KIFAP3: variants seen among roughly 807,000 people sequenced by gnomAD.
KIFAP3 encodes kinesin associated protein 3.
KIFAP3 carries 68 observed loss-of-function variants against 106.5 expected under a neutral mutation model. That is an observed-to-expected ratio of 0.64 (90% CI 0.53 to 0.78). The LOEUF is 0.78. Ranked by LOEUF, KIFAP3 falls within the 30% of genes least tolerant of loss-of-function variation. KIFAP3 has a pLI of 0.00. For synonymous variants in KIFAP3, 320 were observed against 311.5 expected, an observed-to-expected ratio of 1.03 and a Z score of -0.29; for missense variants, 780 against 941.8, an observed-to-expected ratio of 0.83 and a Z score of 2.25.
At chr1:170,084,265 G>A (rs907661012) in intron 1 of KIFAP3, among the ~76,000 whole-genome samples, 4 of 152,128 alleles carry the variant, frequency 2.6e-5, no homozygotes, top group Admixed American at 2.0e-4. Context: ...TGCCTTCTCT[G>A]TTCTACTGCA....
At chr1:170,083,854 G>A (rs891954003) in intron 1 of KIFAP3, among the ~76,000 whole-genome samples, 4 of 152,278 alleles carry the variant, frequency 2.6e-5, no homozygotes, top group Non-Finnish European at 5.9e-5. Context: ...GCAAGGATAC[G>A]AAGAGTTGAT....
intron 1 of KIFAP3, among the ~76,000 whole-genome samples, chr1:170,056,941 G>A (rs1435857269): frequency 6.6e-6 from 1 of 151,844 alleles, no homozygotes; most frequent in African/African-American, 2.4e-5. Context: ...TTAAAAGAAT[G>A]GTACAGATTC....
intron 3 of KIFAP3, among the ~76,000 whole-genome samples, chr1:170,044,287 C>A (rs1478506983): frequency 6.6e-6 from 1 of 152,172 alleles, no homozygotes; most frequent in Admixed American, 6.5e-5. Context: ...GCACACAAAT[C>A]TGCCCTTCAA....
intron 10 of KIFAP3, among the ~76,000 whole-genome samples, chr1:170,014,749 G>C (rs1176195324): frequency 6.6e-6 from 1 of 152,098 alleles, no homozygotes; most frequent in African/African-American, 2.4e-5. Flanking sequence ...AAACGTATTT[G>C]TACTCAGAGT....
At chr1:170,032,515 A>G (rs1332190705) in intron 7 of KIFAP3, among the ~76,000 whole-genome samples, 1 of 151,694 alleles carries the variant, frequency 6.6e-6, no homozygotes, top group Non-Finnish European at 1.5e-5. Context: ...AAGGTAAACA[A>G]ATTTTAAAAA....
intron 3 of KIFAP3, among the ~76,000 whole-genome samples, chr1:170,041,298 CT>C (rs1369552325): frequency 1.3e-5 from 2 of 151,328 alleles, no homozygotes; most frequent in Non-Finnish European, 3.0e-5. Context: ...ACAAAATTTT[CT>C]TTTTTTTTCC....
intron 19 of KIFAP3, among the ~76,000 whole-genome samples, chr1:169,950,960 T>C (rs1234527302): frequency 6.6e-6 from 1 of 151,718 alleles, no homozygotes; most frequent in African/African-American, 2.4e-5. Flanking sequence ...TTCAGATCCA[T>C]GGATACTGTT....
intron 17 of KIFAP3, among the ~76,000 whole-genome samples, chr1:169,962,586 G>A (rs1022584598): frequency 1.3e-5 from 2 of 152,052 alleles, no homozygotes; most frequent in African/African-American, 4.8e-5. Context: ...CTATTAAGGT[G>A]ATCACAAAAA....
chr1:169,982,566 C>T (rs1293160444), intron 14 of KIFAP3, 136 bp downstream of exon 14: 5 of 519,758 alleles, frequency 9.6e-6, no homozygotes, highest in Non-Finnish European at 1.7e-5. Context: ...GACTACCTTT[C>T]TGGGAGAAGA....
intron 1 of KIFAP3, among the ~76,000 whole-genome samples, chr1:170,058,742 G>A (rs1329711868): frequency 6.6e-6 from 1 of 151,896 alleles, no homozygotes; most frequent in African/African-American, 2.4e-5. Flanking sequence ...CGGGTGTAGG[G>A]GAGGAACAGC....
At chr1:170,043,896 G>A (rs570639097) in intron 3 of KIFAP3, among the ~76,000 whole-genome samples, 41 of 152,252 alleles carry the variant, frequency 2.7e-4, no homozygotes, top group African/African-American at 9.1e-4. Flanking sequence ...TCAGTTTTCT[G>A]TACTTACCCC....
chr1:170,047,611 G>A (rs1257016859), intron 2 of KIFAP3, among the ~76,000 whole-genome samples: 1 of 123,914 alleles, frequency 8.1e-6, no homozygotes. Flanking sequence ...ACAGGGCGAG[G>A]CTCTGTCTCA....
intron 10 of KIFAP3, among the ~76,000 whole-genome samples, chr1:170,006,035 A>T (rs1478444124): frequency 6.6e-6 from 1 of 152,108 alleles, no homozygotes; most frequent in Non-Finnish European, 1.5e-5. Flanking sequence ...CTTTCTAGTT[A>T]TCAAGAAAAT....
chr1:169,932,002 G>A (rs887604470), intron 19 of KIFAP3, among the ~76,000 whole-genome samples: 2 of 151,914 alleles, frequency 1.3e-5, no homozygotes, highest in African/African-American at 4.8e-5. Flanking sequence ...TTATACTTTT[G>A]GTCTCTACAT....
At chr1:170,028,881 G>A (rs1321220105) in intron 8 of KIFAP3, among the ~76,000 whole-genome samples, 1 of 151,758 alleles carries the variant, frequency 6.6e-6, no homozygotes, top group East Asian at 1.9e-4. Flanking sequence ...GCTAACAATG[G>A]AAATAAAATA....
At chr1:169,968,565 G>A (rs536987663) in intron 17 of KIFAP3, among the ~76,000 whole-genome samples, 15 of 151,698 alleles carry the variant, frequency 9.9e-5, no homozygotes, top group African/African-American at 2.7e-4. Flanking sequence ...TTAAAGTTAC[G>A]GTGGTAGCTG....
chr1:169,928,561 G>A (rs1247161278), intron 19 of KIFAP3, among the ~76,000 whole-genome samples: 1 of 151,430 alleles, frequency 6.6e-6, no homozygotes, highest in African/African-American at 2.4e-5. Flanking sequence ...TGCAGGCATG[G>A]TGGTGCACAC....
At chr1:170,053,982 A>T in intron 2 of KIFAP3, among the ~76,000 whole-genome samples, 1 of 152,228 alleles carries the variant, frequency 6.6e-6, no homozygotes, top group East Asian at 1.9e-4. Context: ...CAAAAGCTAA[A>T]ATTGACAAAT....
At chr1:170,080,825 C>G (rs79405899) in intron 1 of KIFAP3, among the ~76,000 whole-genome samples, 4,388 of 152,150 alleles carry the variant, frequency 0.029, 177 homozygotes, top group East Asian at 0.12. Flanking sequence ...ATTCCTGTAA[C>G]CACTACCTCA....
Sources: gnomAD v4.1 joint callset for allele counts (sites outside exome capture counted in the v4.1 genomes callset) on GRCh38, gnomAD v4.1.1 for gene constraint, MANE v1.5 for transcripts, NCBI Gene and HGNC (gene_info 2026-07-23, HGNC 2026-07-21) for gene names.